The following SULF2 variants were observed in gnomAD, a reference collection of about 807,000 sequenced individuals.
The protein encoded by SULF2 is extracellular sulfatase Sulf-2.
In SULF2, 52 loss-of-function variants were observed where a neutral mutation model predicts 107.7. That is an observed-to-expected ratio of 0.48 (90% CI 0.39 to 0.61). The LOEUF (loss-of-function observed/expected upper bound fraction) is 0.61, where lower values mean the gene tolerates loss of function less well. SULF2 is among the 20% of genes least tolerant of loss of function. The pLI, the probability that SULF2 is intolerant of heterozygous loss-of-function variation, is 0.00. For synonymous variants in SULF2, 460 were observed against 464.3 expected (o/e 0.99, Z 0.12); for missense variants, 993 against 1,177.3 (o/e 0.84, Z 2.29).
intron 4 of SULF2, among the ~76,000 whole-genome samples, chr20:47,693,936 C>T (rs1267329591): frequency 6.6e-6 from 1 of 152,222 alleles, no homozygotes; most frequent in African/African-American, 2.4e-5. Context: ...AGCCAGCTCT[C>T]TGCCACCATT....
chr20:47,709,414 T>C (rs2088853174), intron 3 of SULF2, among the ~76,000 whole-genome samples: 1 of 152,224 alleles, frequency 6.6e-6, no homozygotes, highest in Non-Finnish European at 1.5e-5. Context: ...CTGCCTCCTG[T>C]GTGCCCAGCA....
At chr20:47,719,584 C>T (rs2089227875) in intron 3 of SULF2, among the ~76,000 whole-genome samples, 1 of 152,244 alleles carries the variant, frequency 6.6e-6, no homozygotes, top group African/African-American at 2.4e-5. Flanking sequence ...CACCTATCAT[C>T]TCTAATCCGC....
rs538323580 is a variant in SULF2, at chr20:47,686,979, C to T, written c.738-2398G>A. ...AGCTCCCCTCTCAGATCTCTCCCAC[C>T]GAGGAACTGAAAGGGGGCTGCTGGG... On this transcript the variant is annotated intron_variant, in intron 5 of 20. Coordinates refer to ENST00000688720, the MANE Select transcript of SULF2 (RefSeq NM_001387048.1). Among the ~76,000 whole-genome samples the T allele has an allele frequency of 3.1e-4, 47 of 152,308 alleles. No homozygotes were observed. The East Asian group carries it at 3.3e-3, about 11-fold the overall frequency.
chr20:47,675,697 C>A (rs902277173), intron 10 of SULF2, among the ~76,000 whole-genome samples: 2 of 152,122 alleles, frequency 1.3e-5, no homozygotes, highest in Non-Finnish European at 2.9e-5. Flanking sequence ...CCTCCGGCAC[C>A]CCTTGGGCCA....
intron 4 of SULF2, among the ~76,000 whole-genome samples, chr20:47,700,504 T>C (rs1362619115): frequency 1.3e-5 from 2 of 152,112 alleles, no homozygotes; most frequent in East Asian, 3.8e-4. Context: ...CTCAAAAACC[T>C]TTGTGGTAAA....
chr20:47,659,527 A>G lies in SULF2; in HGVS notation c.2529-75T>C, dbSNP rs554631718. On this transcript the variant is annotated intron_variant, in intron 19 of 20. Transcript: ENST00000688720. ...AGAAAAAGTCCCCAAAGAACTATAC[A>G]AAGAAGGTCTCCTAGGTGACACCTA... 5.9e-6 allele frequency: 9 copies of G among 1,523,098 alleles called. No homozygotes were observed. The Admixed American group carries it at 6.7e-5, about 11-fold the overall frequency. 94.3% of individuals were successfully genotyped at this position (1,523,098 alleles called of 1,614,324 possible). A position where few individuals can be genotyped will look rare whatever the true frequency, so the allele number is the denominator to read the frequency against.
chr20:47,676,713 C>A, intron 9 of SULF2, 90 bp from the exon 10 acceptor site: 1 of 1,487,906 alleles, frequency 6.7e-7, no homozygotes, highest in Non-Finnish European at 9.0e-7. Context: ...GGGGTGCCCC[C>A]TCGGCTCCGG....
chr20:47,757,177 C>T lies in SULF2; in HGVS notation c.175+12G>A. On this transcript the variant is annotated intron_variant, in intron 2 of 20. Coordinates refer to ENST00000688720, the MANE Select transcript of SULF2 (RefSeq NM_001387048.1). ...AGGGGCCGAGGTGCCACCCTGGGGCCCCGAGGCTTACCCAGCTCCACATCC... is the reference window on the plus strand; with the variant it reads ...AGGGGCCGAGGTGCCACCCTGGGGCTCCGAGGCTTACCCAGCTCCACATCC... 1 of 1,543,720 alleles carries T rather than the reference C, an allele frequency of 6.5e-7. No individual in the cohort carries two copies. The highest frequency in any genetic ancestry group is 8.8e-7 in the Non-Finnish European group (1 of 1,140,588).
chr20:47,705,253 G>A (rs1388822019), intron 3 of SULF2, among the ~76,000 whole-genome samples: 1 of 152,170 alleles, frequency 6.6e-6, no homozygotes, highest in Non-Finnish European at 1.5e-5. Flanking sequence ...AGCCTCAGGG[G>A]TAAGGTCCGG....
intron 2 of SULF2, among the ~76,000 whole-genome samples, chr20:47,750,352 C>A (rs1056759614): frequency 2.0e-4 from 30 of 152,210 alleles, no homozygotes; most frequent in African/African-American, 7.2e-4. Context: ...CAGGCCACAA[C>A]CTTGGAGTCA....
At chr20:47,725,532 G>A (rs2089416371) in intron 3 of SULF2, among the ~76,000 whole-genome samples, 1 of 152,198 alleles carries the variant, frequency 6.6e-6, no homozygotes, top group Non-Finnish European at 1.5e-5. Flanking sequence ...TGCAGTCACA[G>A]AGTTTAACCC....
intron 2 of SULF2, among the ~76,000 whole-genome samples, chr20:47,746,989 A>AT (rs2090053577): frequency 4.9e-5 from 3 of 61,530 alleles, no homozygotes; most frequent in African/African-American, 1.3e-4. Flanking sequence ...AAATAAAAAA[A>AT]AAAAAATATA....
chr20:47,767,555 T>A (rs555076916), intron 1 of SULF2, among the ~76,000 whole-genome samples: 1,643 of 152,202 alleles, frequency 0.011, 37 homozygotes, highest in African/African-American at 0.038. Context: ...CTGCGGCAGG[T>A]GGATCATGAG....
intron 2 of SULF2, among the ~76,000 whole-genome samples, chr20:47,754,508 C>CT (rs1215089138): frequency 6.6e-6 from 1 of 152,212 alleles, no homozygotes; most frequent in Non-Finnish European, 1.5e-5. Context: ...AAACCCAGTG[C>CT]TGCTGGTGGA....
intron 19 of SULF2, 97 bp downstream of exon 19, chr20:47,659,600 T>C (rs1371659864): frequency 2.5e-5 from 34 of 1,380,590 alleles, no homozygotes; most frequent in Non-Finnish European, 3.5e-5. Flanking sequence ...GGAAGGGCAG[T>C]TTCTCAAGAT....
chr20:47,757,240 T>C lies in SULF2; in HGVS notation c.124A>G (p.Ile42Val). 6.4e-7 allele frequency: 1 copy of C among 1,568,472 alleles called. No homozygotes were observed. The highest frequency in any genetic ancestry group is 8.7e-7 in the Non-Finnish European group (1 of 1,155,624). ...KGRFQRDRRNIRPNIILVLTD... is the reference protein window; with the variant it reads ...KGRFQRDRRNVRPNIILVLTD... The stretch of plus-strand genomic sequence containing the variant: ...AGCACCAGGATGATGTTGGGGCGGA[T>C]GTTCCTGCGGTCCCTCTGAAACCTG... The change falls in exon 2 of 21, where the codon ATC becomes GTC. Residue 42 changes from isoleucine (I) to valine (V), a missense_variant. Physicochemically the swap from Ile to Val is conservative, Grantham distance 29. Around this residue, in one of 3 missense-constraint regions of SULF2, gnomAD observed 388 missense variants for 449.2 expected, o/e 0.86. Transcript: ENST00000688720.
intron 16 of SULF2, 107 bp from the exon 17 acceptor site, chr20:47,663,319 A>G: frequency 1.3e-6 from 2 of 1,581,704 alleles, no homozygotes; most frequent in African/African-American, 2.7e-5. Flanking sequence ...GTCAAATGCC[A>G]AGAGGCTGTC....
At chr20:47,731,763 T>C (rs2089619343) in intron 3 of SULF2, among the ~76,000 whole-genome samples, 1 of 152,228 alleles carries the variant, frequency 6.6e-6, no homozygotes, top group African/African-American at 2.4e-5. Flanking sequence ...TTCTTCAAAG[T>C]GGAGGGAACA....
At chr20:47,723,138 G>A (rs1399716783) in intron 3 of SULF2, among the ~76,000 whole-genome samples, 1 of 152,112 alleles carries the variant, frequency 6.6e-6, no homozygotes, top group Non-Finnish European at 1.5e-5. Context: ...CAGCTACTTG[G>A]GAAGCAGAGG....
Sources: gnomAD v4.1 joint callset for allele counts (sites outside exome capture counted in the v4.1 genomes callset) on GRCh38, gnomAD v4.1.1 for gene constraint, gnomAD v4.1.1 regional missense constraint, MANE v1.5 for transcripts, NCBI Gene and HGNC (gene_info 2026-07-23, HGNC 2026-07-21) for gene names.